Variants in MUSK observed in about 807,000 individuals in gnomAD.
MUSK encodes the protein muscle associated receptor tyrosine kinase.
In MUSK, 55 loss-of-function variants were observed where a neutral mutation model predicts 88.7. The ratio of observed to expected loss-of-function variants is 0.62; its 90% CI spans 0.50 to 0.78. The LOEUF (loss-of-function observed/expected upper bound fraction) is 0.78, where lower values mean the gene tolerates loss of function less well. Ranked by LOEUF, MUSK falls within the 30% of genes least tolerant of loss-of-function variation. The probability of loss-of-function intolerance (pLI) is 0.00; values close to 1 mark genes in which losing one functional copy is unlikely to be tolerated. For synonymous variants in MUSK, 387 were observed against 391.9 expected (o/e 0.99, Z 0.15); for missense variants, 1,015 against 1,074.3 (o/e 0.94, Z 0.77).
rs368044285 is a variant in MUSK at position 110,775,880 on chromosome 9, T to C, written c.1277T>C (p.Met426Thr). Residue 426 changes from methionine to threonine, a missense_variant, in exon 10 of 15, where the codon ATG (methionine) becomes ACG (threonine). Coordinates refer to ENST00000374448, the MANE Select transcript of MUSK (RefSeq NM_005592.4). The stretch of plus-strand genomic sequence containing the variant: ...CACAGAGGACTCTACAGATCCGAGA[T>C]GCATTTGCTGTCCGTGCCAGAATGC... ...KTHRGLYRSEMHLLSVPECSK... is the reference protein window; with the variant it reads ...KTHRGLYRSETHLLSVPECSK... 3.9e-5 allele frequency: 63 copies of C among 1,613,998 alleles called. 1 individual carries two copies. Among genetic ancestry groups the C allele is most frequent in the East Asian group, 3.3e-4 (15 of 44,882 alleles).
At chr9:110,676,827 C>T (rs112175063) in intron 1 of MUSK, among the ~76,000 whole-genome samples, 3,399 of 152,138 alleles carry the variant, frequency 0.022, 126 homozygotes, top group African/African-American at 0.078. Context: ...GCTTCCATGT[C>T]TTTGCTATTG....
At chr9:110,745,107 G>T (rs1026733328) in intron 6 of MUSK, among the ~76,000 whole-genome samples, 15 of 152,294 alleles carry the variant, frequency 9.8e-5, no homozygotes, top group South Asian at 8.3e-4. Flanking sequence ...GGAAGCAGGG[G>T]GAAAAGCATT....
chr9:110,690,492 A>C (rs1431354548), intron 3 of MUSK, among the ~76,000 whole-genome samples: 3,849 of 27,118 alleles, frequency 0.14, 271 homozygotes, highest in Non-Finnish European at 0.16. Flanking sequence ...ATATATATTT[A>C]AATATAAGTA....
intron 5 of MUSK, among the ~76,000 whole-genome samples, chr9:110,730,735 T>C (rs979786133): frequency 8.5e-5 from 13 of 152,062 alleles, no homozygotes; most frequent in Admixed American, 1.3e-4. Flanking sequence ...CCTTTCATAT[T>C]TGAAAAATGG....
intron 1 of MUSK, among the ~76,000 whole-genome samples, chr9:110,672,236 G>A (rs1349277942): frequency 6.6e-6 from 1 of 152,156 alleles, no homozygotes; most frequent in African/African-American, 2.4e-5. Context: ...AATGAAGTAG[G>A]CAGCTTCTCA....
At chr9:110,786,441 T>C (rs2077868067) in intron 13 of MUSK, among the ~76,000 whole-genome samples, 1 of 152,068 alleles carries the variant, frequency 6.6e-6, no homozygotes, top group Non-Finnish European at 1.5e-5. Context: ...ATGGAGATAA[T>C]ATATTTTACT....
At chr9:110,785,788 C>T in intron 13 of MUSK, 70 bp downstream of exon 13, 11 of 1,069,004 alleles carry the variant, frequency 1.0e-5, no homozygotes, top group African/African-American at 1.6e-5. Flanking sequence ...AAACTATTAG[C>T]TTGGTATATA....
intron 5 of MUSK, among the ~76,000 whole-genome samples, chr9:110,715,249 G>A (rs908498512): frequency 1.3e-5 from 2 of 149,824 alleles, no homozygotes; most frequent in Non-Finnish European, 2.9e-5. Context: ...CCAGTTATGA[G>A]TTAGCTGCTA....
chr9:110,763,572 A>C (rs1438353833), intron 8 of MUSK, among the ~76,000 whole-genome samples: 1 of 152,182 alleles, frequency 6.6e-6, no homozygotes, highest in Non-Finnish European at 1.5e-5. Context: ...GTTTGCTTTG[A>C]AGGTTGGAAG....
chr9:110,724,240 T>C (rs2076854797), intron 5 of MUSK, among the ~76,000 whole-genome samples: 1 of 152,014 alleles, frequency 6.6e-6, no homozygotes, highest in African/African-American at 2.4e-5. Flanking sequence ...AGTAAATTAA[T>C]CCCCCAGTTA....
intron 5 of MUSK, among the ~76,000 whole-genome samples, chr9:110,724,757 T>C (rs1480816048): frequency 6.6e-6 from 1 of 152,042 alleles, no homozygotes; most frequent in East Asian, 1.9e-4. Flanking sequence ...ATTATTGCTA[T>C]GTACTTATAT....
At chr9:110,719,141 C>T (rs1479969976) in intron 5 of MUSK, among the ~76,000 whole-genome samples, 3 of 151,920 alleles carry the variant, frequency 2.0e-5, no homozygotes, top group Non-Finnish European at 4.4e-5. Context: ...TCTCACAGGA[C>T]CTATATAACA....
At chr9:110,800,238 T>G in intron 14 of MUSK, 68 bp from the exon 15 acceptor site, 2 of 1,410,058 alleles carry the variant, frequency 1.4e-6, no homozygotes, top group Non-Finnish European at 1.9e-6. Flanking sequence ...GTCGTTTGCT[T>G]TTGGAGTGCT....
rs193147263 is a variant in MUSK at position 110,734,382 on chromosome 9, G to C, written c.753+7G>C. 3.1e-6 allele frequency: 5 copies of C among 1,613,050 alleles called. No individual in the cohort carries two copies. In the East Asian group the frequency reaches 1.1e-4, roughly 36 times the overall value. ...GATTGAAAACGGAAATGCTGTGAGT[G>C]TCATGTGTGTGGGGACTTGTCTGGG... is the stretch of plus-strand genomic sequence containing the variant. On this transcript the variant is annotated splice_region_variant and intron_variant, in intron 6 of 14. Coordinates refer to ENST00000374448, the MANE Select transcript of MUSK (RefSeq NM_005592.4).
chr9:110,709,681 T>G (rs2076643767), intron 5 of MUSK, among the ~76,000 whole-genome samples: 1 of 152,214 alleles, frequency 6.6e-6, no homozygotes. Context: ...CTTTTCCATG[T>G]GTCATCTTTA....
At chr9:110,700,961 A>G (rs571125690) in intron 5 of MUSK, among the ~76,000 whole-genome samples, 1 of 152,246 alleles carries the variant, frequency 6.6e-6, no homozygotes, top group Non-Finnish European at 1.5e-5. Flanking sequence ...TGTAATAGGA[A>G]GAAAAGAGAA....
chr9:110,734,366 C>G lies in MUSK; in HGVS notation c.744C>G (p.Asn248Lys). The G allele has an allele frequency of 1.2e-6, 2 of 1,613,146 alleles. No individual in the cohort carries two copies. Among genetic ancestry groups the G allele is most frequent in the Non-Finnish European group, 8.5e-7 (1 of 1,179,374 alleles). The stretch of plus-strand genomic sequence containing the variant: ...TCCCCACCATCACCTGGATTGAAAA[C>G]GGAAATGCTGTGAGTGTCATGTGTG... ...IPVPTITWIE[N>K]GNAVSSGSIQ... Residue 248 changes from asparagine (N) to lysine (K), a missense_variant, in exon 6 of 15, where the codon AAC becomes AAG. Asn to Lys is a moderately conservative substitution (Grantham distance 94). Transcript: ENST00000374448.
intron 7 of MUSK, chr9:110,761,942 C>T: frequency 1.0e-6 from 1 of 984,170 alleles, no homozygotes; most frequent in Non-Finnish European, 1.2e-6. Context: ...TTAGATATTG[C>T]CTTGGTGGAT....
intron 5 of MUSK, among the ~76,000 whole-genome samples, chr9:110,719,297 A>C (rs2076781789): frequency 6.6e-6 from 1 of 152,122 alleles, no homozygotes; most frequent in African/African-American, 2.4e-5. Context: ...AGAATAGCAG[A>C]ATGGATAAGA....
Sources: allele counts gnomAD v4.1 joint callset (sites outside exome capture counted in the v4.1 genomes callset), GRCh38; gene constraint gnomAD v4.1.1; transcripts MANE v1.5; gene names NCBI Gene and HGNC (gene_info 2026-07-23, HGNC 2026-07-21).